The following PAK3 variants were observed in gnomAD, a reference collection of about 807,000 sequenced individuals.
The protein encoded by PAK3 is serine/threonine-protein kinase PAK 3.
Under a neutral mutation model 41.0 loss-of-function variants are expected in PAK3, and 4 were observed. The ratio of observed to expected loss-of-function variants is 0.10; its 90% CI spans 0.05 to 0.22. The LOEUF (loss-of-function observed/expected upper bound fraction) is 0.22, where lower values mean the gene tolerates loss of function less well. Among genes scored for constraint, PAK3 ranks in the 10% least tolerant of loss-of-function variants. The probability of loss-of-function intolerance (pLI) is 1.00; values close to 1 mark genes in which losing one functional copy is unlikely to be tolerated. For synonymous variants in PAK3, 146 were observed against 139.6 expected, an observed-to-expected ratio of 1.05 and a Z score of -0.32; for missense variants, 205 against 409.9, an observed-to-expected ratio of 0.50 and a Z score of 4.32.
intron 1 of PAK3, among the ~76,000 whole-genome samples, chrX:111,080,882 A>G (rs868462105): frequency 1.8e-5 from 2 of 112,298 alleles, no homozygotes; most frequent in South Asian, 3.8e-4. Context: ...TATATACACT[A>G]TGGAATACTA....
chrX:111,123,052 CT>C (rs1268239641), intron 4 of PAK3, 24 bp from the exon 5 acceptor site: 37 of 999,858 alleles, frequency 3.7e-5, no homozygotes, highest in African/African-American at 1.5e-4. Context: ...CCCTCAACTC[CT>C]TTTTTTTCCC....
At position 111,108,755 on chromosome X, in the gene PAK3, C is replaced by T. The variant is rs368384815; in HGVS notation, c.-28+5449C>T. On this transcript the variant is annotated intron_variant, in intron 4 of 17. Coordinates refer to ENST00000372007, the MANE Select transcript of PAK3 (RefSeq NM_002578.5). Reference sequence around the variant, plus strand: ...TAAGAGAAACAGCTGGGCAATTTTACATTTGGAAATTTTTGGCCATTACTT... The same window carrying T: ...TAAGAGAAACAGCTGGGCAATTTTATATTTGGAAATTTTTGGCCATTACTT... Among the ~76,000 whole-genome samples the T allele has an allele frequency of 2.7e-5, 3 of 112,029 alleles. No homozygotes were observed. The East Asian group carries it at 8.4e-4, about 31-fold the overall frequency.
intron 5 of PAK3, among the ~76,000 whole-genome samples, chrX:111,129,143 T>A (rs1056425907): frequency 3.6e-5 from 4 of 111,717 alleles, no homozygotes. Flanking sequence ...AATGTTTTGG[T>A]CAATGCATAT....
intron 1 of PAK3, among the ~76,000 whole-genome samples, chrX:111,023,167 T>C (rs1361321556): frequency 9.0e-6 from 1 of 111,561 alleles, no homozygotes; most frequent in Non-Finnish European, 1.9e-5. Context: ...TTGTGTTACA[T>C]TGCTGAGAAT....
chrX:110,996,380 A>G (rs1251849027), intron 1 of PAK3, among the ~76,000 whole-genome samples: 1 of 112,460 alleles, frequency 8.9e-6, no homozygotes, highest in Non-Finnish European at 1.9e-5. Context: ...CCATTATCAA[A>G]CTTCAATTCT....
chrX:110,945,181 G>A (rs2090589534), intron 1 of PAK3, among the ~76,000 whole-genome samples: 1 of 111,870 alleles, frequency 8.9e-6, no homozygotes, highest in African/African-American at 3.3e-5. Flanking sequence ...TGGAGATGGT[G>A]TGGGTTTTGT....
chrX:111,136,750 A>G (rs146221681), intron 5 of PAK3, among the ~76,000 whole-genome samples: 2,153 of 111,919 alleles, frequency 0.019, 44 homozygotes, highest in African/African-American at 0.061. Context: ...TCTGGATAAT[A>G]AAAAGATCTG....
At chrX:111,043,606 A>G (rs1461555917) in intron 1 of PAK3, among the ~76,000 whole-genome samples, 1 of 112,287 alleles carries the variant, frequency 8.9e-6, no homozygotes, top group African/African-American at 3.2e-5. Flanking sequence ...AGCCCAGAAT[A>G]AAGTTATCTT....
intron 16 of PAK3, among the ~76,000 whole-genome samples, chrX:111,204,546 T>C (rs1477346652): frequency 8.9e-6 from 1 of 111,832 alleles, no homozygotes; most frequent in Non-Finnish European, 1.9e-5. Context: ...ATCTGTGTTT[T>C]TGCCAATGAA....
At chrX:111,171,011 T>C (rs1233021139) in intron 10 of PAK3, among the ~76,000 whole-genome samples, 1 of 110,688 alleles carries the variant, frequency 9.0e-6, no homozygotes, top group Non-Finnish European at 1.9e-5. Context: ...TTATTGTACA[T>C]CTCAGTCTGT....
At chrX:111,186,197 C>T (rs1413115919) in intron 11 of PAK3, among the ~76,000 whole-genome samples, 1 of 111,459 alleles carries the variant, frequency 9.0e-6, no homozygotes, top group Non-Finnish European at 1.9e-5. Flanking sequence ...ACTGAATGGG[C>T]AAAAGCTGGA....
intron 11 of PAK3, among the ~76,000 whole-genome samples, chrX:111,183,026 T>C (rs1439071555): frequency 8.9e-6 from 1 of 111,753 alleles, no homozygotes; most frequent in Non-Finnish European, 1.9e-5. Flanking sequence ...ACATGAGCTT[T>C]GGGAAGTACC....
intron 16 of PAK3, among the ~76,000 whole-genome samples, chrX:111,205,482 G>A (rs1490383072): frequency 2.7e-5 from 3 of 110,793 alleles, no homozygotes; most frequent in South Asian, 3.9e-4. Context: ...TATTCAGAAA[G>A]CAGCTTGGAG....
intron 4 of PAK3, among the ~76,000 whole-genome samples, chrX:111,103,860 C>T (rs1022770350): frequency 8.9e-6 from 1 of 111,836 alleles, no homozygotes; most frequent in South Asian, 3.8e-4. Flanking sequence ...AGATGCACTT[C>T]CTCCACCAGG....
intron 1 of PAK3, among the ~76,000 whole-genome samples, chrX:111,071,320 A>C (rs2092742528): frequency 8.9e-6 from 1 of 112,060 alleles, no homozygotes; most frequent in South Asian, 3.7e-4. Flanking sequence ...CCACTATGAA[A>C]CAGTGACCAC....
intron 16 of PAK3, among the ~76,000 whole-genome samples, chrX:111,205,459 T>C (rs1450235186): frequency 9.0e-6 from 1 of 110,851 alleles, no homozygotes; most frequent in Non-Finnish European, 1.9e-5. Context: ...TATGAGTACT[T>C]TCAGAGGAGT....
intron 1 of PAK3, among the ~76,000 whole-genome samples, chrX:110,977,341 C>A (rs1023335074): frequency 4.5e-5 from 5 of 110,494 alleles, no homozygotes; most frequent in Non-Finnish European, 9.5e-5. Context: ...CTTTGTTGTT[C>A]TTTTCCAAGA....
intron 1 of PAK3, among the ~76,000 whole-genome samples, chrX:110,953,721 G>T (rs2090792970): frequency 8.9e-6 from 1 of 111,918 alleles, no homozygotes; most frequent in Non-Finnish European, 1.9e-5. Context: ...ATATGAAACT[G>T]CACTTGAGGA....
chrX:110,971,829 T>G (rs756975482), intron 1 of PAK3, among the ~76,000 whole-genome samples: 2 of 112,373 alleles, frequency 1.8e-5, no homozygotes, highest in East Asian at 5.6e-4. Flanking sequence ...TACATCTTTT[T>G]ATCCATTTTG....
Sources: allele counts gnomAD v4.1 joint callset (sites outside exome capture counted in the v4.1 genomes callset), GRCh38; gene constraint gnomAD v4.1.1; transcripts MANE v1.5; gene names NCBI Gene and HGNC (gene_info 2026-07-23, HGNC 2026-07-21).